METTL15: variants seen among roughly 807,000 people sequenced by gnomAD.
METTL15 encodes the protein 12S rRNA N(4)-cytidine methyltransferase METTL15.
A neutral mutation model predicts 38.3 loss-of-function variants in METTL15; 34 were observed. The observed-to-expected ratio is 0.89, with a 90% CI of 0.68 to 1.18. The LOEUF is 1.18. Among genes scored for constraint, METTL15 ranks in the 50% most tolerant of loss-of-function variants. The pLI, the probability that METTL15 is intolerant of heterozygous loss-of-function variation, is 0.00. For missense variants in METTL15, 438 were observed against 498.4 expected, an observed-to-expected ratio of 0.88 and a Z score of 1.15; for synonymous variants, 162 against 170.9, an observed-to-expected ratio of 0.95 and a Z score of 0.41.
At chr11:28,507,454 C>T (rs1309125767) in intron 6 of METTL15, among the ~76,000 whole-genome samples, 1 of 152,084 alleles carries the variant, frequency 6.6e-6, no homozygotes, top group Admixed American at 6.5e-5. Flanking sequence ...CAGGGGATTA[C>T]AATTTGACCT....
intron 6 of METTL15, among the ~76,000 whole-genome samples, chr11:28,325,872 G>C (rs1317978025): frequency 6.6e-6 from 1 of 152,188 alleles, no homozygotes; most frequent in Admixed American, 6.5e-5. Flanking sequence ...AGATAAATAA[G>C]TAAACAAGTA....
chr11:28,182,040 G>C (rs1851309356), intron 3 of METTL15, among the ~76,000 whole-genome samples: 1 of 152,086 alleles, frequency 6.6e-6, no homozygotes, highest in African/African-American at 2.4e-5. Flanking sequence ...ATGTTTGTTG[G>C]CTGCATAAAT....
rs1365261242 is a variant in METTL15, at chr11:28,330,896, T to C, written c.*55T>C. On this transcript the variant is annotated 3_prime_UTR_variant, in exon 7 of 7. Coordinates refer to ENST00000407364, the MANE Select transcript of METTL15 (RefSeq NM_001113528.2). The stretch of plus-strand genomic sequence containing the variant: ...TTCTCACAATTTCTCTAATCTTTAC[T>C]CATGTTATGTCCCTGAATGTCTTGG... 6 of 1,301,668 alleles carry C rather than the reference T, an allele frequency of 4.6e-6. No homozygotes were observed. In the South Asian group the frequency reaches 6.1e-5, roughly 13 times the overall value. 80.6% of individuals were successfully genotyped at this position (1,301,668 alleles called of 1,614,324 possible). A position where few individuals can be genotyped will look rare whatever the true frequency, so the allele number is the denominator to read the frequency against.
At chr11:28,122,113 A>C (rs1318696785) in intron 3 of METTL15, 1 of 1,208,360 alleles carries the variant, frequency 8.3e-7, no homozygotes, top group Non-Finnish European at 1.1e-6. Flanking sequence ...ACTCACTCAA[A>C]GTATCAAGTT....
chr11:28,263,734 GA>G (rs1179782080), intron 4 of METTL15, among the ~76,000 whole-genome samples: 1 of 151,976 alleles, frequency 6.6e-6, no homozygotes, highest in Non-Finnish European at 1.5e-5. Context: ...CAGATTTAAT[GA>G]AAACAATAAT....
intron 3 of METTL15, among the ~76,000 whole-genome samples, chr11:28,156,399 A>C (rs1850264699): frequency 1.3e-5 from 2 of 152,168 alleles, no homozygotes; most frequent in Admixed American, 1.3e-4. Flanking sequence ...AATAGATTTC[A>C]GTGTGTTAAG....
Position 28,250,568 on chromosome 11 carries a change from A to ATTT in METTL15, c.407+39370_407+39371insTTT, listed in dbSNP as rs1565201739. ...TTTAGAAGTTACTCTCCTTTTTTTA[A>ATTT]AAAAAAAAATGATGTTTTTCCTACA... On this transcript the variant is annotated intron_variant, in intron 4 of 6. Coordinates refer to ENST00000407364, the MANE Select transcript of METTL15 (RefSeq NM_001113528.2). Among the ~76,000 whole-genome samples, 97 of 77,916 alleles carry ATTT rather than the reference A, an allele frequency of 1.2e-3. 1 individual carries two copies. The highest frequency in any genetic ancestry group is 3.2e-3 in the African/African-American group (83 of 25,956). The allele number at this position is 77,916 out of a possible 152,430, so 51.1% of individuals were successfully genotyped here.
chr11:28,402,629 C>A (rs1271711779), intron 5 of METTL15, among the ~76,000 whole-genome samples: 2 of 151,842 alleles, frequency 1.3e-5, no homozygotes, highest in Admixed American at 1.3e-4. Flanking sequence ...AAATACTTAA[C>A]TTTTTTTAAT....
intron 6 of METTL15, among the ~76,000 whole-genome samples, chr11:28,310,805 A>G (rs1055128115): frequency 5.3e-5 from 8 of 151,954 alleles, no homozygotes; most frequent in African/African-American, 1.7e-4. Context: ...ATTGTGATAT[A>G]TCTTCCACCT....
At chr11:28,376,006 G>A (rs1850306947) in intron 5 of METTL15, among the ~76,000 whole-genome samples, 1 of 152,072 alleles carries the variant, frequency 6.6e-6, no homozygotes, top group Admixed American at 6.6e-5. Context: ...CTAAGTTTTA[G>A]TTTGATTGCA....
intron 3 of METTL15, among the ~76,000 whole-genome samples, chr11:28,115,643 TAAGG>T (rs1301766607): frequency 5.9e-5 from 9 of 152,120 alleles, no homozygotes; most frequent in African/African-American, 1.9e-4. Flanking sequence ...AAGAGAATCA[TAAGG>T]AAGATAAAAT....
At chr11:28,227,380 A>G (rs1464263236) in intron 4 of METTL15, among the ~76,000 whole-genome samples, 1 of 151,876 alleles carries the variant, frequency 6.6e-6, no homozygotes, top group Non-Finnish European at 1.5e-5. Context: ...GGAATATGAT[A>G]TCAGGATCTA....
intron 4 of METTL15, among the ~76,000 whole-genome samples, chr11:28,245,603 C>A (rs1430877080): frequency 6.6e-6 from 1 of 152,038 alleles, no homozygotes; most frequent in Admixed American, 6.6e-5. Flanking sequence ...CATATATATA[C>A]CTTTGGTAAG....
chr11:28,348,404 A>G (rs1850014470), intron 3 of METTL15, among the ~76,000 whole-genome samples: 1 of 152,216 alleles, frequency 6.6e-6, no homozygotes, highest in Non-Finnish European at 1.5e-5. Flanking sequence ...GTCTCACCCT[A>G]TCAGTCAGGC....
chr11:28,226,409 G>T (rs1209650103), intron 4 of METTL15, among the ~76,000 whole-genome samples: 1 of 151,978 alleles, frequency 6.6e-6, no homozygotes, highest in Non-Finnish European at 1.5e-5. Context: ...GGAGCAAAAA[G>T]AGGGAAGCCA....
intron 6 of METTL15, among the ~76,000 whole-genome samples, chr11:28,426,775 A>G (rs1482154942): frequency 6.6e-6 from 1 of 150,898 alleles, no homozygotes; most frequent in East Asian, 1.9e-4. Context: ...CCACTTTTTA[A>G]TGGTGTTGTT....
chr11:28,256,501 A>G (rs543483351), intron 4 of METTL15, among the ~76,000 whole-genome samples: 2 of 152,280 alleles, frequency 1.3e-5, no homozygotes, highest in South Asian at 4.1e-4. Context: ...ATAGTCATTC[A>G]TAGTAGTCAC....
intron 5 of METTL15, among the ~76,000 whole-genome samples, chr11:28,411,092 A>G (rs1850720304): frequency 6.6e-6 from 1 of 152,080 alleles, no homozygotes; most frequent in South Asian, 2.1e-4. Context: ...CTAATGAAAG[A>G]AATTGAACAC....
intron 5 of METTL15, among the ~76,000 whole-genome samples, chr11:28,293,797 T>G (rs1479647887): frequency 6.6e-6 from 1 of 152,186 alleles, no homozygotes. Context: ...GATTCCTAAG[T>G]ATTTTATTCT....
Sources: allele counts gnomAD v4.1 joint callset (sites outside exome capture counted in the v4.1 genomes callset), GRCh38; gene constraint gnomAD v4.1.1; transcripts MANE v1.5; gene names NCBI Gene and HGNC (gene_info 2026-07-23, HGNC 2026-07-21).